GLIS3: variants seen among roughly 807,000 people sequenced by gnomAD.
The protein encoded by GLIS3 is GLIS family zinc finger 3.
A neutral mutation model predicts 78.6 loss-of-function variants in GLIS3; 53 were observed. That is an observed-to-expected ratio of 0.67 (90% CI 0.54 to 0.85). GLIS3 has a LOEUF of 0.85. Among genes scored for constraint, GLIS3 ranks in the 40% least tolerant of loss-of-function variants. The probability of loss-of-function intolerance (pLI) is 0.00; values close to 1 mark genes in which losing one functional copy is unlikely to be tolerated. For missense variants in GLIS3, 1,703 were observed against 1,231.1 expected (o/e 1.38, Z -5.74); for synonymous variants, 684 against 509.9 (o/e 1.34, Z -4.60).
At chr9:4,468,871 T>C in the GLIS3 span, among the ~76,000 whole-genome samples, 8 of 152,172 alleles carry the variant, frequency 5.3e-5, no homozygotes, top group African/African-American at 1.9e-4. Context: ...GACCCATCAG[T>C]GTGCTGTATT....
chr9:4,325,348 G>C (rs1587386737), intron 2 of GLIS3, among the ~76,000 whole-genome samples: 2 of 152,300 alleles, frequency 1.3e-5, no homozygotes, highest in East Asian at 1.9e-4. Context: ...GTGGTGACTA[G>C]AACCCTGAAA....
chr9:3,893,995 CCAT>C (rs1490109519), intron 7 of GLIS3, among the ~76,000 whole-genome samples: 1 of 152,136 alleles, frequency 6.6e-6, no homozygotes, highest in African/African-American at 2.4e-5. Context: ...ACTCGGTGGA[CCAT>C]CACAGATGCA....
the GLIS3 span, among the ~76,000 whole-genome samples, chr9:4,461,103 T>C: frequency 6.6e-6 from 1 of 152,208 alleles, no homozygotes; most frequent in Non-Finnish European, 1.5e-5. Context: ...AGCATGAATA[T>C]GTCACTCTTT....
chr9:4,431,564 G>A, the GLIS3 span, among the ~76,000 whole-genome samples: 1 of 152,158 alleles, frequency 6.6e-6, no homozygotes, highest in Non-Finnish European at 1.5e-5. Flanking sequence ...GCCATATAGG[G>A]CCAGGCATGG....
At chr9:4,239,819 T>A (rs746155132) in intron 2 of GLIS3, among the ~76,000 whole-genome samples, 1 of 152,238 alleles carries the variant, frequency 6.6e-6, no homozygotes, top group South Asian at 2.1e-4. Flanking sequence ...TGTGGTTGAT[T>A]TGTATCATCT....
intron 2 of GLIS3, among the ~76,000 whole-genome samples, chr9:4,345,995 T>C (rs1453489452): frequency 6.6e-6 from 1 of 152,206 alleles, no homozygotes; most frequent in East Asian, 1.9e-4. Flanking sequence ...TGGGAGATTC[T>C]AATACACTTT....
At chr9:3,987,761 CAAAAA>C (rs60986898) in intron 4 of GLIS3, among the ~76,000 whole-genome samples, 10 of 10,458 alleles carry the variant, frequency 9.6e-4, no homozygotes, top group African/African-American at 2.4e-3. Flanking sequence ...CTGGATTTGG[CAAAAA>C]AAAAAAAAAA....
chr9:4,191,099 T>G (rs1426244268), intron 2 of GLIS3, among the ~76,000 whole-genome samples: 1 of 150,870 alleles, frequency 6.6e-6, no homozygotes, highest in Admixed American at 6.6e-5. Context: ...GTAAATACCA[T>G]CGAGACTAGG....
the GLIS3 span, among the ~76,000 whole-genome samples, chr9:4,368,293 G>T: frequency 6.6e-6 from 1 of 151,534 alleles, no homozygotes; most frequent in Non-Finnish European, 1.5e-5. Context: ...GCATCACGAG[G>T]CAGAGAAATG....
At chr9:4,161,955 G>A (rs927257738) in intron 2 of GLIS3, among the ~76,000 whole-genome samples, 8 of 152,022 alleles carry the variant, frequency 5.3e-5, no homozygotes, top group African/African-American at 1.9e-4. Flanking sequence ...CAAAGTGGTG[G>A]GATTACAGGC....
Position 3,829,473 on chromosome 9 carries a change from C to G in GLIS3, c.2493G>C (p.Gln831His), listed in dbSNP as rs753171367. The change falls in exon 10 of 11, where the codon CAG becomes CAC. Residue 831 changes from glutamine to histidine, a missense_variant. Physicochemically the swap from Gln to His is conservative, Grantham distance 24 (BLOSUM62 0). Coordinates refer to ENST00000381971, the MANE Select transcript of GLIS3 (RefSeq NM_001042413.2). Reference protein sequence around the residue: ...IHVHGFYGQLQKFCPPHYPDS... With the variant: ...IHVHGFYGQLHKFCPPHYPDS... ...CGGGGTAGTGTGGGGGACAGAACTTCTGCAGCTGCCCATAAAATCCTGAAA... is the reference window on the plus strand; with the variant it reads ...CGGGGTAGTGTGGGGGACAGAACTTGTGCAGCTGCCCATAAAATCCTGAAA... The G allele has an allele frequency of 1.9e-6, 3 of 1,613,986 alleles. No individual in the cohort carries two copies. In the South Asian group the frequency reaches 3.3e-5, roughly 18 times the overall value.
chr9:4,346,553 A>C lies in GLIS3; in HGVS notation n.264+528T>G, dbSNP rs1817899996. On this transcript the variant is annotated intron_variant and non_coding_transcript_variant, in intron 2 of 4. Coordinates refer to the GLIS3 transcript ENST00000471664. ...TTTACATCCAGAGCCACAAAATGTCAATCAACTGATAGAAAAAGAGCAGAA... is the reference window on the plus strand; with the variant it reads ...TTTACATCCAGAGCCACAAAATGTCCATCAACTGATAGAAAAAGAGCAGAA... Among the ~76,000 whole-genome samples, 4 of 152,226 alleles carry C rather than the reference A, an allele frequency of 2.6e-5. No homozygotes were observed. The South Asian group carries it at 8.3e-4, about 32-fold the overall frequency.
At chr9:4,045,412 T>C (rs973466917) in intron 4 of GLIS3, among the ~76,000 whole-genome samples, 6 of 152,000 alleles carry the variant, frequency 3.9e-5, no homozygotes, top group African/African-American at 1.2e-4. Flanking sequence ...CTCGGCTCAC[T>C]GCATCCTCCA....
chr9:3,936,964 T>C lies in GLIS3; in HGVS notation c.1872+64A>G, dbSNP rs976130128. ...AAGCAAACACTTCACCAGCCCACTA[T>C]CAAGCAGGCACTTCCTCACACCAGG... is the stretch of plus-strand genomic sequence containing the variant. On this transcript the variant is annotated intron_variant, in intron 5 of 10. Transcript: ENST00000381971. The C allele has an allele frequency of 4.4e-6, 7 of 1,590,344 alleles. No homozygotes were observed. In the African/African-American group the frequency reaches 9.4e-5, roughly 21 times the overall value.
chr9:4,203,319 A>G (rs2131271280), intron 2 of GLIS3, among the ~76,000 whole-genome samples: 1 of 152,328 alleles, frequency 6.6e-6, no homozygotes, highest in African/African-American at 2.4e-5. Flanking sequence ...AAAGTGAAAA[A>G]AAAATCAACA....
At chr9:4,315,517 C>T (rs1817423351) in intron 2 of GLIS3, among the ~76,000 whole-genome samples, 1 of 152,076 alleles carries the variant, frequency 6.6e-6, no homozygotes, top group Admixed American at 6.5e-5. Context: ...TTGATTCAAA[C>T]CCTTCTAAAA....
chr9:4,473,405 C>T, the GLIS3 span, among the ~76,000 whole-genome samples: 25 of 146,844 alleles, frequency 1.7e-4, no homozygotes, highest in African/African-American at 5.9e-4. Context: ...AAGATCATGC[C>T]ATTGCACTCC....
At chr9:4,033,754 C>G (rs1415030719) in intron 4 of GLIS3, among the ~76,000 whole-genome samples, 1 of 149,828 alleles carries the variant, frequency 6.7e-6, no homozygotes, top group Non-Finnish European at 1.5e-5. Flanking sequence ...TATACAGAGA[C>G]TACTAACTCC....
chr9:4,000,319 G>C (rs1029257457), intron 4 of GLIS3, among the ~76,000 whole-genome samples: 1 of 152,088 alleles, frequency 6.6e-6, no homozygotes, highest in African/African-American at 2.4e-5. Flanking sequence ...TATATGTGTG[G>C]TAAAACTTTA....
Sources: allele counts gnomAD v4.1 joint callset (sites outside exome capture counted in the v4.1 genomes callset), GRCh38; gene constraint gnomAD v4.1.1; transcripts MANE v1.5; gene names NCBI Gene and HGNC (gene_info 2026-07-23, HGNC 2026-07-21).